Variants in PCDH15 observed in about 807,000 individuals in gnomAD.
PCDH15 encodes protocadherin-15.
A neutral mutation model predicts 178.5 loss-of-function variants in PCDH15; 129 were observed. The observed-to-expected ratio is 0.72, with a 90% CI of 0.63 to 0.84. The LOEUF (loss-of-function observed/expected upper bound fraction) is 0.84, where lower values mean the gene tolerates loss of function less well. Among genes scored for constraint, PCDH15 ranks in the 40% least tolerant of loss-of-function variants. PCDH15 has a pLI of 0.00. For synonymous variants in PCDH15, 800 were observed against 732.0 expected, an observed-to-expected ratio of 1.09 and a Z score of -1.50; for missense variants, 2,230 against 2,099.9, an observed-to-expected ratio of 1.06 and a Z score of -1.21.
intron 3 of PCDH15, among the ~76,000 whole-genome samples, chr10:54,861,954 T>C (rs1953851328): frequency 6.6e-6 from 1 of 152,318 alleles, no homozygotes; most frequent in Non-Finnish European, 1.5e-5. Context: ...CAGTTAACTT[T>C]AGGAGTATCC....
intron 26 of PCDH15, among the ~76,000 whole-genome samples, chr10:53,881,265 G>A (rs1006184377): frequency 1.3e-5 from 2 of 152,016 alleles, no homozygotes; most frequent in African/African-American, 4.8e-5. Context: ...GTGTACACCT[G>A]GACATAGAGA....
intron 1 of PCDH15, among the ~76,000 whole-genome samples, chr10:54,687,731 C>A (rs2095039691): frequency 6.6e-6 from 1 of 151,978 alleles, no homozygotes; most frequent in African/African-American, 2.4e-5. Context: ...TGAACCCCAC[C>A]CTGCTTTTTG....
intron 6 of PCDH15, among the ~76,000 whole-genome samples, chr10:54,334,711 A>G (rs1940683218): frequency 7.1e-6 from 1 of 140,546 alleles, no homozygotes; most frequent in African/African-American, 2.7e-5. Flanking sequence ...ACACACACAC[A>G]CACGTGTATA....
rs990007905 is a variant in PCDH15, at chr10:54,548,131, A to C, written c.92-20254T>G. On this transcript the variant is annotated intron_variant, in intron 2 of 37. Coordinates refer to ENST00000644397, the MANE Select transcript of PCDH15 (RefSeq NM_001384140.1). ...AAAAAAACCAAAAAAACCAAAAAAAACCCATATATATATATGTTTTATATA... is the reference window on the plus strand; with the variant it reads ...AAAAAAACCAAAAAAACCAAAAAAACCCCATATATATATATGTTTTATATA... 7.5e-5 allele frequency among the ~76,000 whole-genome samples: 11 copies of C among 147,296 alleles called. No individual in the cohort carries two copies. The East Asian group carries it at 7.8e-4, about 10-fold the overall frequency.
intron 25 of PCDH15, among the ~76,000 whole-genome samples, chr10:53,904,029 C>T (rs982508788): frequency 6.6e-6 from 1 of 151,982 alleles, no homozygotes; most frequent in Non-Finnish European, 1.5e-5. Flanking sequence ...GTAAATGTAC[C>T]ATAAATGATA....
At chr10:54,599,750 T>A (rs1218202876) in intron 2 of PCDH15, 4 of 471,428 alleles carry the variant, frequency 8.5e-6, no homozygotes, top group Non-Finnish European at 1.6e-5. Flanking sequence ...GAAGAGGAGG[T>A]AAAAGATGAG....
chr10:55,240,011 A>C (rs1348583522), intron 1 of PCDH15, among the ~76,000 whole-genome samples: 3 of 152,168 alleles, frequency 2.0e-5, no homozygotes, highest in Admixed American at 2.0e-4. Context: ...TAGTAAAAAT[A>C]GCTTTTATCC....
chr10:54,714,515 G>A (rs2095457548), intron 1 of PCDH15, among the ~76,000 whole-genome samples: 1 of 152,062 alleles, frequency 6.6e-6, no homozygotes, highest in African/African-American at 2.4e-5. Flanking sequence ...TCAATTAATA[G>A]CAGTATAATC....
At chr10:53,968,597 A>G (rs1340433727) in intron 21 of PCDH15, among the ~76,000 whole-genome samples, 1 of 152,194 alleles carries the variant, frequency 6.6e-6, no homozygotes, top group South Asian at 2.1e-4. Context: ...TGGGAGACAC[A>G]TCCCAGTAGA....
intron 2 of PCDH15, among the ~76,000 whole-genome samples, chr10:55,515,278 C>T (rs966885509): frequency 5.3e-5 from 8 of 151,826 alleles, no homozygotes; most frequent in East Asian, 1.9e-4. Flanking sequence ...TGCGCGTGGC[C>T]GGGGCATTGT....
At chr10:54,304,518 A>C (rs1333251266) in intron 8 of PCDH15, among the ~76,000 whole-genome samples, 1 of 152,094 alleles carries the variant, frequency 6.6e-6, no homozygotes, top group Admixed American at 6.6e-5. Context: ...TAGAATGTCC[A>C]AGGGATAGGA....
chr10:55,463,963 AAG>A lies in PCDH15; in HGVS notation c.-156+163660_-156+163661del, dbSNP rs1404402704. 7.9e-4 allele frequency among the ~76,000 whole-genome samples: 35 copies of A among 44,552 alleles called. 8 individuals carry two copies. The highest frequency in any genetic ancestry group is 5.5e-3 in the African/African-American group (35 of 6,358). The allele number at this position is 44,552 out of a possible 152,430, so 29.2% of individuals were successfully genotyped here. A position where few individuals can be genotyped will look rare whatever the true frequency, so the allele number is the denominator to read the frequency against. On this transcript the variant is annotated intron_variant, in intron 2 of 5. Coordinates refer to the PCDH15 transcript ENST00000613346. The stretch of plus-strand genomic sequence containing the variant: ...AAAGAAAGAAAGAAAGAAAGAAAGA[AAG>A]AAAGAAAGAGAAAGAAAGAAAGAAA...
chr10:55,087,762 T>G (rs1733743), intron 2 of PCDH15, among the ~76,000 whole-genome samples: 69,208 of 151,926 alleles, frequency 0.46, 19,658 homozygotes, highest in African/African-American at 0.8. Context: ...CAGGATATCT[T>G]AAGCCCCAGA....
At chr10:54,074,519 T>C (rs931971842) in intron 17 of PCDH15, among the ~76,000 whole-genome samples, 1 of 152,218 alleles carries the variant, frequency 6.6e-6, no homozygotes, top group African/African-American at 2.4e-5. Flanking sequence ...GTGTATGTCA[T>C]ACTTTCTTCC....
chr10:54,376,794 A>T lies in PCDH15; in HGVS notation c.318+1988T>A, dbSNP rs1022112875. On this transcript the variant is annotated intron_variant, in intron 4 of 37. Transcript: ENST00000644397. ...GGACAATATATCGAGAGGACCATTT[A>T]GTAAAATGGATAAAACTCCCTAGTC... 2.0e-5 allele frequency among the ~76,000 whole-genome samples: 3 copies of T among 152,012 alleles called. No individual in the cohort carries two copies. In the South Asian group the frequency reaches 6.2e-4, roughly 31 times the overall value.
rs191963403 is a variant in PCDH15 at position 55,119,932 on chromosome 10, G to A, written c.-80+46644C>T. 2.2e-4 allele frequency among the ~76,000 whole-genome samples: 33 copies of A among 152,106 alleles called. No individual in the cohort carries two copies. In the East Asian group the frequency reaches 6.2e-3, roughly 29 times the overall value. On this transcript the variant is annotated intron_variant, in intron 2 of 5. Transcript: ENST00000458638. ...AGAATTTGGATTATTTTTAAAATAT[G>A]CAAGAAAGCCACTGTGAAGACTACA...
At chr10:54,021,484 C>G (rs2092920136) in intron 19 of PCDH15, among the ~76,000 whole-genome samples, 1 of 151,956 alleles carries the variant, frequency 6.6e-6, no homozygotes, top group African/African-American at 2.4e-5. Context: ...TTATCCTTAA[C>G]ATGGTAAGAG....
chr10:54,192,700 T>C (rs533848572), intron 11 of PCDH15, among the ~76,000 whole-genome samples: 1 of 152,304 alleles, frequency 6.6e-6, no homozygotes, highest in South Asian at 2.1e-4. Flanking sequence ...GCATACTTGT[T>C]CACTCTCTGG....
chr10:54,870,227 CAATTGGA>C (rs1234847311), intron 3 of PCDH15, among the ~76,000 whole-genome samples: 1 of 152,070 alleles, frequency 6.6e-6, no homozygotes, highest in African/African-American at 2.4e-5. Flanking sequence ...GCCTAGTAAT[CAATTGGA>C]AATTTTGTAT....
Sources: allele counts gnomAD v4.1 joint callset (sites outside exome capture counted in the v4.1 genomes callset), GRCh38; gene constraint gnomAD v4.1.1; transcripts MANE v1.5; gene names NCBI Gene and HGNC (gene_info 2026-07-23, HGNC 2026-07-21).